The following PTPRO variants were observed in gnomAD, a reference collection of about 807,000 sequenced individuals.
PTPRO encodes the protein receptor-type tyrosine-protein phosphatase O.
A neutral mutation model predicts 145.2 loss-of-function variants in PTPRO; 62 were observed. That is an observed-to-expected ratio of 0.43 (90% CI 0.35 to 0.53). The LOEUF (loss-of-function observed/expected upper bound fraction) is 0.53. PTPRO is among the 20% of genes least tolerant of loss of function. The pLI, the probability that PTPRO is intolerant of heterozygous loss-of-function variation, is 0.01. For synonymous variants in PTPRO, 565 were observed against 514.7 expected, an observed-to-expected ratio of 1.10 and a Z score of -1.32; for missense variants, 1,345 against 1,482.7, an observed-to-expected ratio of 0.91 and a Z score of 1.53.
chr12:15,546,421 A>T (rs1054732385), intron 12 of PTPRO, 148 bp from the exon 13 acceptor site: 2 of 1,458,832 alleles, frequency 1.4e-6, no homozygotes, highest in Non-Finnish European at 1.8e-6. Context: ...TCTTTATGAA[A>T]GGACATATTT....
intron 23 of PTPRO, among the ~76,000 whole-genome samples, chr12:15,584,858 G>A (rs1591770334): frequency 6.6e-6 from 1 of 152,148 alleles, no homozygotes; most frequent in African/African-American, 2.4e-5. Flanking sequence ...TTTAGGAATA[G>A]CTAAGTAAGA....
At chr12:15,408,111 A>G (rs549237213) in intron 1 of PTPRO, among the ~76,000 whole-genome samples, 1 of 152,238 alleles carries the variant, frequency 6.6e-6, no homozygotes, top group East Asian at 1.9e-4. Flanking sequence ...CTACTATATG[A>G]ATCTTTCCCT....
intron 20 of PTPRO, 22 bp downstream of exon 20, chr12:15,578,965 A>AT (rs762611419): frequency 6.6e-7 from 1 of 1,522,966 alleles, no homozygotes; most frequent in South Asian, 1.1e-5. Context: ...AATTGTGCCA[A>AT]TAACACTCAT....
At chr12:15,494,709 T>A (rs1224185567) in intron 2 of PTPRO, among the ~76,000 whole-genome samples, 2 of 152,202 alleles carry the variant, frequency 1.3e-5, no homozygotes, top group Non-Finnish European at 2.9e-5. Flanking sequence ...AAATAAAATA[T>A]CTGTTCTCTA....
rs1944495106 is a variant in PTPRO, at chr12:15,589,336, A to G, written c.3411-119A>G. The G allele has an allele frequency of 2.9e-6, 4 of 1,391,624 alleles. No homozygotes were observed. The African/African-American group carries it at 4.3e-5, about 15-fold the overall frequency. The allele number at this position is 1,391,624 out of a possible 1,614,324, so 86.2% of individuals were successfully genotyped here. A position where few individuals can be genotyped will look rare whatever the true frequency, so the allele number is the denominator to read the frequency against. ...GGTTGCAGTGAGCCGAGATCATGCC[A>G]TTGCACTCCAGCCTGGGCAACAGAG... is the stretch of plus-strand genomic sequence containing the variant. On this transcript the variant is annotated intron_variant, in intron 24 of 26. Coordinates refer to ENST00000281171, the MANE Select transcript of PTPRO (RefSeq NM_030667.3).
intron 7 of PTPRO, among the ~76,000 whole-genome samples, chr12:15,511,614 G>A (rs570307657): frequency 6.6e-6 from 1 of 152,322 alleles, no homozygotes; most frequent in East Asian, 1.9e-4. Context: ...GCTGGAGCAT[G>A]GAGTGCAAAG....
chr12:15,417,720 G>A (rs979007929), intron 1 of PTPRO, among the ~76,000 whole-genome samples: 2 of 151,682 alleles, frequency 1.3e-5, no homozygotes, highest in Non-Finnish European at 1.5e-5. Flanking sequence ...CTGACGGCAC[G>A]GCTTAACCAG....
chr12:15,404,823 A>G (rs1939602513), intron 1 of PTPRO, among the ~76,000 whole-genome samples: 1 of 152,206 alleles, frequency 6.6e-6, no homozygotes, highest in Non-Finnish European at 1.5e-5. Flanking sequence ...GTCTTAGTCA[A>G]TTTGAGCTTC....
intron 1 of PTPRO, among the ~76,000 whole-genome samples, chr12:15,366,868 C>T (rs1471428207): frequency 6.6e-6 from 1 of 151,998 alleles, no homozygotes; most frequent in Non-Finnish European, 1.5e-5. Context: ...TGTCATTTGA[C>T]TATTTTAATT....
chr12:15,486,319 T>G (rs1941885046), intron 2 of PTPRO, among the ~76,000 whole-genome samples: 1 of 152,234 alleles, frequency 6.6e-6, no homozygotes, highest in Non-Finnish European at 1.5e-5. Flanking sequence ...CAATATGCCT[T>G]GTGTTAATTT....
chr12:15,505,664 A>G (rs1349713106), intron 6 of PTPRO, among the ~76,000 whole-genome samples: 1 of 152,222 alleles, frequency 6.6e-6, no homozygotes, highest in African/African-American at 2.4e-5. Flanking sequence ...AAAAATGGAT[A>G]CCGCAGACAT....
chr12:15,587,061 T>C lies in PTPRO; in HGVS notation c.3410+10T>C, dbSNP rs1187867190. On this transcript the variant is annotated intron_variant, in intron 24 of 26. Transcript: ENST00000281171. ...TGATCATTCACTGCAGGTAACCTCA[T>C]CAACTGCATTTTCTATTAAATATTA... 1 of 1,613,938 alleles carries C rather than the reference T, an allele frequency of 6.2e-7. No homozygotes were observed. The highest frequency in any genetic ancestry group is 2.2e-5 in the East Asian group (1 of 44,828).
intron 17 of PTPRO, 129 bp from the exon 18 acceptor site, chr12:15,565,464 T>C (rs756944331): frequency 4.7e-6 from 3 of 634,832 alleles, no homozygotes; most frequent in Middle Eastern, 4.5e-4. Flanking sequence ...ACAAACCTGA[T>C]ATGTGTTTAA....
intron 26 of PTPRO, 55 bp downstream of exon 26, chr12:15,595,112 A>G (rs1404516652): frequency 2.6e-6 from 3 of 1,145,398 alleles, no homozygotes; most frequent in Non-Finnish European, 3.9e-6. Flanking sequence ...TTAGAGGGGG[A>G]TGTGATGGAT....
chr12:15,432,490 A>G (rs538445024), intron 1 of PTPRO, among the ~76,000 whole-genome samples: 8 of 152,334 alleles, frequency 5.3e-5, no homozygotes, highest in Admixed American at 3.9e-4. Flanking sequence ...TCATGATAGA[A>G]CAATTTATAT....
intron 1 of PTPRO, among the ~76,000 whole-genome samples, chr12:15,395,536 G>A (rs188319392): frequency 2.0e-5 from 3 of 151,928 alleles, no homozygotes; most frequent in Admixed American, 2.0e-4. Context: ...TCTTCCTATA[G>A]TCTCTTTCTT....
chr12:15,528,548 C>A (rs1942892857), intron 12 of PTPRO, among the ~76,000 whole-genome samples: 1 of 148,962 alleles, frequency 6.7e-6, no homozygotes, highest in African/African-American at 2.5e-5. Context: ...ATTAAAAAAA[C>A]CTTAAAAGAT....
At chr12:15,524,618 G>A (rs1348569863) in intron 10 of PTPRO, among the ~76,000 whole-genome samples, 196 bp from the exon 11 acceptor site, 1 of 151,576 alleles carries the variant, frequency 6.6e-6, no homozygotes, top group Non-Finnish European at 1.5e-5. Context: ...TACAAGATGT[G>A]GGATCCCATT....
intron 12 of PTPRO, among the ~76,000 whole-genome samples, chr12:15,538,059 T>G (rs976967268): frequency 2.0e-5 from 3 of 152,148 alleles, no homozygotes; most frequent in Non-Finnish European, 4.4e-5. Flanking sequence ...AGCAGCCCCA[T>G]GCAAGCATTG....
Sources: allele counts gnomAD v4.1 joint callset (sites outside exome capture counted in the v4.1 genomes callset), GRCh38; gene constraint gnomAD v4.1.1; transcripts MANE v1.5; gene names NCBI Gene and HGNC (gene_info 2026-07-23, HGNC 2026-07-21).